The following MYO1E variants were observed in gnomAD, a reference collection of about 807,000 sequenced individuals.
MYO1E encodes the protein myosin IE.
Under a neutral mutation model 151.1 loss-of-function variants are expected in MYO1E, and 68 were observed. That is an observed-to-expected ratio of 0.45 (90% confidence interval 0.37 to 0.55). The LOEUF (loss-of-function observed/expected upper bound fraction) is 0.55, where lower values mean the gene tolerates loss of function less well. Among genes scored for constraint, MYO1E ranks in the 20% least tolerant of loss-of-function variants. MYO1E has a pLI of 0.00. For synonymous variants in MYO1E, 601 were observed against 501.7 expected (o/e 1.20, Z -2.64); for missense variants, 1,363 against 1,389.3 (o/e 0.98, Z 0.30).
chr15:59,184,398 C>G (rs1485097161), intron 18 of MYO1E, among the ~76,000 whole-genome samples: 1 of 152,004 alleles, frequency 6.6e-6, no homozygotes, highest in Admixed American at 6.6e-5. Flanking sequence ...GCTCCATTGC[C>G]TAGGTTGTAT....
chr15:59,209,056 CAAA>C (rs1278585865), intron 13 of MYO1E: 2 of 637,238 alleles, frequency 3.1e-6, no homozygotes, highest in East Asian at 5.6e-5. Flanking sequence ...CTCCACTTTC[CAAA>C]AAGCTGTTTA....
chr15:59,245,306 T>A (rs1440756951), intron 4 of MYO1E, among the ~76,000 whole-genome samples: 1 of 152,226 alleles, frequency 6.6e-6, no homozygotes, highest in Non-Finnish European at 1.5e-5. Flanking sequence ...TGGGAATTTT[T>A]CCCTTTTATC....
chr15:59,144,821 G>A (rs777865349), intron 26 of MYO1E, among the ~76,000 whole-genome samples: 6 of 152,058 alleles, frequency 3.9e-5, no homozygotes, highest in Non-Finnish European at 5.9e-5. Context: ...GCAATCCTGT[G>A]TCATTAATGA....
At chr15:59,176,261 C>T (rs898939924) in intron 19 of MYO1E, among the ~76,000 whole-genome samples, 4 of 151,980 alleles carry the variant, frequency 2.6e-5, no homozygotes, top group South Asian at 2.1e-4. Flanking sequence ...GGGGTTTCGC[C>T]GTGTTAGCCA....
chr15:59,193,014 G>T (rs1346217693), intron 17 of MYO1E, among the ~76,000 whole-genome samples: 1 of 149,094 alleles, frequency 6.7e-6, no homozygotes, highest in African/African-American at 2.5e-5. Context: ...GAGGGCTAAG[G>T]AGATGAAGAG....
At chr15:59,331,162 G>T (rs2080695870) in intron 1 of MYO1E, among the ~76,000 whole-genome samples, 1 of 152,256 alleles carries the variant, frequency 6.6e-6, no homozygotes, top group African/African-American at 2.4e-5. Context: ...GAGACTGTAT[G>T]GTCCACAAAG....
At chr15:59,206,296 T>C (rs1307288569) in intron 14 of MYO1E, among the ~76,000 whole-genome samples, 2 of 152,284 alleles carry the variant, frequency 1.3e-5, no homozygotes, top group African/African-American at 4.8e-5. Flanking sequence ...GGGTGATTCA[T>C]TTTCCAAAAA....
intron 18 of MYO1E, among the ~76,000 whole-genome samples, chr15:59,181,017 G>A (rs937094066): frequency 1.3e-5 from 2 of 152,076 alleles, no homozygotes; most frequent in African/African-American, 2.4e-5. Flanking sequence ...TTCCTTCTCA[G>A]AGGAAATGCA....
Position 59,178,254 on chromosome 15 carries a change from G to A in MYO1E, c.2049+139C>T, listed in dbSNP as rs184816854. The A allele has an allele frequency of 8.5e-4, 897 of 1,058,882 alleles. 3 individuals are homozygous for A. Among genetic ancestry groups the A allele is most frequent in the Middle Eastern group, 7.8e-3 (25 of 3,212 alleles). The allele number at this position is 1,058,882 out of a possible 1,614,324, so 65.6% of individuals were successfully genotyped here. ...GGGAAGGACCCACTTAGACCAGGAA[G>A]GGAGGGAAGGCTTCTTTGAGGAGAC... On this transcript the variant is annotated intron_variant, in intron 19 of 27. Coordinates refer to ENST00000288235, the MANE Select transcript of MYO1E (RefSeq NM_004998.4).
intron 4 of MYO1E, among the ~76,000 whole-genome samples, chr15:59,246,093 C>CT (rs1191617997): frequency 6.6e-6 from 1 of 151,992 alleles, no homozygotes; most frequent in Admixed American, 6.6e-5. Flanking sequence ...CATTATCATT[C>CT]TTTTTTTAAA....
chr15:59,169,818 C>A lies in MYO1E; in HGVS notation c.2480+2079G>T, dbSNP rs2079581811. Among the ~76,000 whole-genome samples the A allele has an allele frequency of 2.6e-5, 4 of 152,036 alleles. No individual in the cohort carries two copies. In the South Asian group the frequency reaches 8.3e-4, roughly 32 times the overall value. ...CCCTACAGTCCCTGCTTGACAACCC[C>A]CTCAAGGACTTATCAATAAGATAGT... On this transcript the variant is annotated intron_variant, in intron 22 of 27. Coordinates refer to ENST00000288235, the MANE Select transcript of MYO1E (RefSeq NM_004998.4).
intron 1 of MYO1E, among the ~76,000 whole-genome samples, chr15:59,273,382 C>T (rs1270061281): frequency 6.6e-6 from 1 of 152,120 alleles, no homozygotes; most frequent in Non-Finnish European, 1.5e-5. Context: ...AATGATGGAA[C>T]AAAGTGACTC....
At chr15:59,235,179 T>A (rs928141650) in intron 5 of MYO1E, among the ~76,000 whole-genome samples, 5 of 152,206 alleles carry the variant, frequency 3.3e-5, no homozygotes, top group African/African-American at 1.2e-4. Flanking sequence ...TTAAATCCTT[T>A]CTCTGTCTAC....
intron 16 of MYO1E, 22 bp from the exon 17 acceptor site, chr15:59,195,589 A>G: frequency 6.3e-7 from 1 of 1,591,726 alleles, no homozygotes; most frequent in South Asian, 1.1e-5. Flanking sequence ...GAACAGTATC[A>G]GAATCATGGA....
chr15:59,148,681 C>A (rs2079456389), intron 26 of MYO1E, among the ~76,000 whole-genome samples: 1 of 152,116 alleles, frequency 6.6e-6, no homozygotes, highest in African/African-American at 2.4e-5. Context: ...TTTTAAGCCC[C>A]ATAAAAATAT....
At position 59,136,130 on chromosome 15, in the gene MYO1E, T is replaced by C. The variant is rs755183060; in HGVS notation, c.*1250A>G. 14 of 152,732 alleles carry C rather than the reference T, an allele frequency of 9.2e-5. No individual in the cohort carries two copies. Among genetic ancestry groups the C allele is most frequent in the Middle Eastern group, 3.2e-3 (1 of 316 alleles). 9.5% of individuals were successfully genotyped at this position (152,732 alleles called of 1,614,324 possible). A position where few individuals can be genotyped will look rare whatever the true frequency, so the allele number is the denominator to read the frequency against. On this transcript the variant is annotated 3_prime_UTR_variant, in exon 28 of 28. Transcript: ENST00000288235. The stretch of plus-strand genomic sequence containing the variant: ...GTCTTCTCCCTGCCTTTTCACATGG[T>C]CTTTCCTCTGGCATGTTGGTCTCTG...
At chr15:59,258,939 C>T (rs2080209579) in intron 3 of MYO1E, among the ~76,000 whole-genome samples, 1 of 150,382 alleles carries the variant, frequency 6.6e-6, no homozygotes, top group African/African-American at 2.4e-5. Flanking sequence ...CTTAATTTAA[C>T]AATTCCCCTC....
At chr15:59,157,589 C>T (rs2079515987) in intron 25 of MYO1E, among the ~76,000 whole-genome samples, 1 of 151,908 alleles carries the variant, frequency 6.6e-6, no homozygotes, top group Non-Finnish European at 1.5e-5. Flanking sequence ...TGTGTGCTAC[C>T]CCATCATCAG....
rs1282425569 is a variant in MYO1E, at chr15:59,147,428, C to T, written c.3080+6162G>A. Among the ~76,000 whole-genome samples the T allele has an allele frequency of 1.1e-4, 17 of 151,928 alleles. No individual in the cohort carries two copies. In the East Asian group the frequency reaches 1.4e-3, roughly 12 times the overall value. The stretch of plus-strand genomic sequence containing the variant: ...CAGCCTGGCCAACATGGCGAAACCC[C>T]GTCCCTACTAAAAATTAGCCAGGTG... On this transcript the variant is annotated intron_variant, in intron 26 of 27. Coordinates refer to ENST00000288235, the MANE Select transcript of MYO1E (RefSeq NM_004998.4).
Sources: gnomAD v4.1 joint callset for allele counts (sites outside exome capture counted in the v4.1 genomes callset) on GRCh38, gnomAD v4.1.1 for gene constraint, MANE v1.5 for transcripts, NCBI Gene and HGNC (gene_info 2026-07-23, HGNC 2026-07-21) for gene names.